The following SLC2A9 variants were observed in gnomAD, a reference collection of about 807,000 sequenced individuals.
SLC2A9 encodes solute carrier family 2, facilitated glucose transporter member 9.
Under a neutral mutation model 50.6 loss-of-function variants are expected in SLC2A9, and 39 were observed. That is an observed-to-expected ratio of 0.77 (90% CI 0.60 to 1.01). The LOEUF is 1.01. Among genes scored for constraint, SLC2A9 ranks in the 50% least tolerant of loss-of-function variants. SLC2A9 has a pLI of 0.00. For synonymous variants in SLC2A9, 324 were observed against 276.9 expected, an observed-to-expected ratio of 1.17 and a Z score of -1.69; for missense variants, 686 against 677.6, an observed-to-expected ratio of 1.01 and a Z score of -0.14.
downstream of SLC2A9, among the ~76,000 whole-genome samples, chr4:9,779,624 C>T (rs1453421968): frequency 6.6e-6 from 1 of 151,960 alleles, no homozygotes; most frequent in African/African-American, 2.4e-5. Flanking sequence ...CCATGTTAGC[C>T]AGGATGGTCT....
chr4:9,771,428 A>G (rs1716798818), intron 1 of SLC2A9: 1 of 398,728 alleles, frequency 2.5e-6, no homozygotes, highest in Admixed American at 4.4e-5. Flanking sequence ...TGACAAGGAG[A>G]TCTGCAGCAC....
intron 1 of SLC2A9, among the ~76,000 whole-genome samples, chr4:10,037,422 T>C (rs1438166139): frequency 6.6e-6 from 1 of 152,176 alleles, no homozygotes; most frequent in Non-Finnish European, 1.5e-5. Context: ...TGGGCAAACC[T>C]TTTTCTCCTG....
chr4:9,920,124 G>A (rs1460713592), intron 7 of SLC2A9, among the ~76,000 whole-genome samples: 2 of 152,202 alleles, frequency 1.3e-5, no homozygotes, highest in Admixed American at 6.5e-5. Context: ...ATTAGTGATA[G>A]CATTTATTAT....
intron 2 of SLC2A9, among the ~76,000 whole-genome samples, chr4:10,001,855 C>T (rs1266178139): frequency 6.6e-6 from 1 of 152,216 alleles, no homozygotes; most frequent in Non-Finnish European, 1.5e-5. Flanking sequence ...ACTTTCCTGC[C>T]TCAGAATCCT....
At chr4:9,867,918 GC>G (rs1294952919) in intron 10 of SLC2A9, among the ~76,000 whole-genome samples, 3 of 151,878 alleles carry the variant, frequency 2.0e-5, no homozygotes, top group Non-Finnish European at 4.4e-5. Context: ...TCACATGCGT[GC>G]CCCCCCCACC....
intron 5 of SLC2A9, among the ~76,000 whole-genome samples, chr4:9,972,540 C>T (rs1489786803): frequency 2.1e-5 from 3 of 145,138 alleles, no homozygotes; most frequent in African/African-American, 8.0e-5. Context: ...CTACCACAGG[C>T]TCAGCCATAA....
At chr4:9,818,006 C>T (rs546241590) in intron 3 of SLC2A9, among the ~76,000 whole-genome samples, 3 of 152,294 alleles carry the variant, frequency 2.0e-5, no homozygotes, top group Admixed American at 6.5e-5. Context: ...CCTTCCAGTG[C>T]TACATTACTT....
intron 5 of SLC2A9, among the ~76,000 whole-genome samples, chr4:9,968,520 C>G: frequency 6.6e-6 from 1 of 152,166 alleles, no homozygotes; most frequent in Admixed American, 6.5e-5. Context: ...TCCAGTATAA[C>G]TTGATTCTGT....
intron 3 of SLC2A9, among the ~76,000 whole-genome samples, chr4:9,803,634 A>G (rs1721749154): frequency 3.3e-5 from 5 of 152,178 alleles, no homozygotes; most frequent in Admixed American, 3.3e-4. Context: ...ATGCTCTATC[A>G]CACTCTGACC....
downstream of SLC2A9, among the ~76,000 whole-genome samples, chr4:9,798,498 C>G (rs765236593): frequency 6.6e-6 from 1 of 152,170 alleles, no homozygotes; most frequent in Non-Finnish European, 1.5e-5. Context: ...TCCACACCCC[C>G]AACTTCCCCG....
chr4:9,809,381 G>A (rs1722549989), intron 3 of SLC2A9, among the ~76,000 whole-genome samples: 1 of 152,196 alleles, frequency 6.6e-6, no homozygotes, highest in South Asian at 2.1e-4. Flanking sequence ...GAGGATTGGA[G>A]CGAACAGGGT....
intron 2 of SLC2A9, among the ~76,000 whole-genome samples, chr4:10,006,945 T>C (rs1247547499): frequency 6.6e-6 from 1 of 151,694 alleles, no homozygotes; most frequent in African/African-American, 2.4e-5. Context: ...TTAGACAAAT[T>C]TCACAAGAGT....
intron 5 of SLC2A9, among the ~76,000 whole-genome samples, chr4:9,948,692 A>T (rs1749652047): frequency 6.6e-6 from 1 of 152,196 alleles, no homozygotes. Context: ...TCCCAGCTCC[A>T]GAGCTCCCTG....
chr4:9,926,289 T>G (rs367730093), intron 6 of SLC2A9, among the ~76,000 whole-genome samples: 133 of 122,732 alleles, frequency 1.1e-3, no homozygotes, highest in African/African-American at 3.3e-3. Flanking sequence ...TGTTCACCAA[T>G]GCAAACACAC....
At chr4:9,985,379 T>A (rs570726243) in intron 4 of SLC2A9, among the ~76,000 whole-genome samples, 1 of 152,172 alleles carries the variant, frequency 6.6e-6, no homozygotes. Flanking sequence ...ATTAACATTA[T>A]GATGAAGGTG....
rs539258544 is a variant in SLC2A9, at chr4:9,849,597, G to T, written c.1292-14589C>A. On this transcript the variant is annotated intron_variant, in intron 10 of 11. Transcript: ENST00000264784. ...GAACATTACCATCCTGGACTGTCTG[G>T]GGGAGAGGATGTTTTTGAAGAGTCT... Among the ~76,000 whole-genome samples the T allele has an allele frequency of 5.3e-5, 8 of 152,318 alleles. No homozygotes were observed. The East Asian group carries it at 9.6e-4, about 18-fold the overall frequency.
intron 5 of SLC2A9, among the ~76,000 whole-genome samples, chr4:9,944,298 G>C (rs1273215397): frequency 2.0e-5 from 3 of 152,220 alleles, no homozygotes; most frequent in Admixed American, 1.3e-4. Context: ...AGGAGCCTTT[G>C]AGGGGTCTAT....
At chr4:9,774,922 G>T (rs1017163249), downstream of SLC2A9, among the ~76,000 whole-genome samples, 2 of 152,018 alleles carry the variant, frequency 1.3e-5, no homozygotes, top group Non-Finnish European at 2.9e-5. Flanking sequence ...CATACCAGCA[G>T]AGCCACCCAG....
At chr4:9,952,384 C>T (rs139843237) in intron 5 of SLC2A9, among the ~76,000 whole-genome samples, 5 of 152,264 alleles carry the variant, frequency 3.3e-5, no homozygotes, top group Non-Finnish European at 2.9e-5. Flanking sequence ...CCTTCCCTAG[C>T]CTTACTTCTG....
Sources: gnomAD v4.1 joint callset for allele counts (sites outside exome capture counted in the v4.1 genomes callset) on GRCh38, gnomAD v4.1.1 for gene constraint, MANE v1.5 for transcripts, NCBI Gene and HGNC (gene_info 2026-07-23, HGNC 2026-07-21) for gene names.